Variants in RAD52 observed in about 807,000 individuals in gnomAD.
RAD52 encodes DNA repair protein RAD52 homolog.
RAD52 carries 47 observed loss-of-function variants against 55.5 expected under a neutral mutation model. That is an observed-to-expected ratio of 0.85 (90% CI 0.67 to 1.08). RAD52 has a LOEUF of 1.08. Among genes scored for constraint, RAD52 ranks in the 50% least tolerant of loss-of-function variants. The pLI, the probability that RAD52 is intolerant of heterozygous loss-of-function variation, is 0.00. For missense variants in RAD52, 468 were observed against 522.8 expected, an observed-to-expected ratio of 0.90 and a Z score of 1.02; for synonymous variants, 184 against 198.9, an observed-to-expected ratio of 0.92 and a Z score of 0.63.
At chr12:947,228 A>T (rs1052853221) in intron 1 of RAD52, among the ~76,000 whole-genome samples, 1 of 152,186 alleles carries the variant, frequency 6.6e-6, no homozygotes, top group Non-Finnish European at 1.5e-5. Context: ...CGGGAGGCTG[A>T]GGCAGGAGAA....
intron 7 of RAD52, among the ~76,000 whole-genome samples, chr12:924,508 C>T (rs1187093565): frequency 1.3e-5 from 2 of 152,118 alleles, no homozygotes; most frequent in African/African-American, 2.4e-5. Context: ...TGACACACAC[C>T]TTGTGGGGCT....
chr12:926,997 CAG>C, intron 6 of RAD52, 146 bp downstream of exon 6: 1 of 1,564,278 alleles, frequency 6.4e-7, no homozygotes, highest in Non-Finnish European at 8.7e-7. Flanking sequence ...AAACGGCAGA[CAG>C]GAACCAGGGC....
At chr12:935,848 C>T (rs1023046851) in intron 1 of RAD52, among the ~76,000 whole-genome samples, 7 of 147,384 alleles carry the variant, frequency 4.7e-5, no homozygotes, top group East Asian at 2.1e-4. Context: ...AGTGAAACTC[C>T]GTCTCAAAAA....
intron 1 of RAD52, among the ~76,000 whole-genome samples, chr12:977,543 A>G (rs1371704566): frequency 6.6e-6 from 1 of 152,128 alleles, no homozygotes; most frequent in Non-Finnish European, 1.5e-5. Flanking sequence ...CTCCCCTTTG[A>G]CCAGCTGCCT....
At chr12:957,665 C>A (rs530678399) in intron 1 of RAD52, among the ~76,000 whole-genome samples, 2 of 151,984 alleles carry the variant, frequency 1.3e-5, no homozygotes, top group East Asian at 3.9e-4. Flanking sequence ...TGGCACACAC[C>A]TGTGGTCCCA....
At chr12:990,952 A>AGTGTGTGTGTGTGTGTGTGAGTGT (rs138094397), upstream of RAD52, 1 of 150,032 alleles carries the variant, frequency 6.7e-6, no homozygotes, top group African/African-American at 2.5e-5. Context: ...TGTGTGTGTG[A>AGTGTGTGTGTGTGTGTGTGAGTGT]GTGTGTGTGT....
intron 6 of RAD52, among the ~76,000 whole-genome samples, chr12:925,960 G>A (rs1472464994): frequency 6.6e-6 from 1 of 152,086 alleles, no homozygotes; most frequent in South Asian, 2.1e-4. Context: ...TGGGATCTAC[G>A]GACTCCCCCA....
intron 1 of RAD52, among the ~76,000 whole-genome samples, chr12:973,227 A>G (rs987476279): frequency 6.0e-5 from 9 of 150,408 alleles, no homozygotes; most frequent in Admixed American, 4.0e-4. Flanking sequence ...CCGCCACCAC[A>G]CCCGGCTAAG....
At chr12:968,033 C>G (rs1958794391) in intron 1 of RAD52, among the ~76,000 whole-genome samples, 1 of 152,080 alleles carries the variant, frequency 6.6e-6, no homozygotes. Context: ...CTATTTTATG[C>G]CTTTCCCATT....
chr12:916,656 G>C lies in RAD52; in HGVS notation c.708C>G (p.Asp236Glu). The change falls in exon 8 of 12, where the codon GAC becomes GAG. Residue 236 changes from aspartate (D) to glutamate (E), a missense_variant. By Grantham distance (45) the Asp-to-Glu change is conservative. Coordinates refer to ENST00000358495, the MANE Select transcript of RAD52 (RefSeq NM_134424.4). ...SRPSHAVIPA[D>E]QDCSSRSLSS... ...CCGCATACCGGGAGCTGCAGTCCTGGTCCGCCGGTATCACAGCATGGCTGG... is the reference window on the plus strand; with the variant it reads ...CCGCATACCGGGAGCTGCAGTCCTGCTCCGCCGGTATCACAGCATGGCTGG... 6.2e-7 allele frequency: 1 copy of C among 1,613,808 alleles called. No individual in the cohort carries two copies. Among genetic ancestry groups the C allele is most frequent in the Non-Finnish European group, 8.5e-7 (1 of 1,179,788 alleles).
At chr12:944,817 T>TG (rs1395499214) in intron 1 of RAD52, among the ~76,000 whole-genome samples, 1 of 148,930 alleles carries the variant, frequency 6.7e-6, no homozygotes, top group Admixed American at 6.8e-5. Context: ...CAAGCTGCAG[T>TG]GCAATGGCAC....
At position 971,411 on chromosome 12, in the gene RAD52, G is replaced by A. The variant is rs139948261; in HGVS notation, c.-19+18398C>T. On this transcript the variant is annotated intron_variant, in intron 1 of 11. Coordinates refer to the RAD52 transcript ENST00000430095. ...ATAGGACTTAGAATCGTGAACTGGG[G>A]AGGCAGGTATTGCACTTAACGGAGG... Among the ~76,000 whole-genome samples, 545 of 152,150 alleles carry A rather than the reference G, an allele frequency of 3.6e-3. 1 individual carries two copies. The highest frequency in any genetic ancestry group is 0.012 in the African/African-American group (493 of 41,488).
intron 1 of RAD52, among the ~76,000 whole-genome samples, chr12:967,321 G>A (rs1035635484): frequency 6.0e-5 from 9 of 150,710 alleles, no homozygotes; most frequent in African/African-American, 2.0e-4. Flanking sequence ...GGAGGTTGTA[G>A]TGAGCTGAGA....
intron 1 of RAD52, among the ~76,000 whole-genome samples, chr12:944,707 T>C (rs943314835): frequency 1.3e-5 from 2 of 150,448 alleles, no homozygotes; most frequent in African/African-American, 4.9e-5. Flanking sequence ...ATTAAAAAGG[T>C]AAAGACTGGC....
intron 7 of RAD52, among the ~76,000 whole-genome samples, chr12:923,173 GAAA>G (rs899644093): frequency 6.7e-6 from 1 of 150,200 alleles, no homozygotes; most frequent in Non-Finnish European, 1.5e-5. Context: ...TTTTAAAAAA[GAAA>G]AAAAGATCAA....
At chr12:987,518 A>ATTTTCTCTC (rs1403691389) in intron 1 of RAD52, among the ~76,000 whole-genome samples, 3 of 141,130 alleles carry the variant, frequency 2.1e-5, no homozygotes, top group African/African-American at 7.9e-5. Context: ...TCTTTATCTT[A>ATTTTCTCTC]TTTTCTCTCA....
At chr12:969,145 G>C (rs1958807803) in intron 1 of RAD52, among the ~76,000 whole-genome samples, 1 of 152,018 alleles carries the variant, frequency 6.6e-6, no homozygotes. Flanking sequence ...TATACAGGAG[G>C]ATGTACGTAG....
At chr12:949,050 A>T (rs910941431) in intron 1 of RAD52, among the ~76,000 whole-genome samples, 8 of 151,818 alleles carry the variant, frequency 5.3e-5, no homozygotes, top group African/African-American at 1.9e-4. Flanking sequence ...TGAGCGTCAA[A>T]TTTTTATTTT....
chr12:924,019 A>G (rs1249944969), intron 7 of RAD52, among the ~76,000 whole-genome samples: 1 of 150,978 alleles, frequency 6.6e-6, no homozygotes, highest in Non-Finnish European at 1.5e-5. Flanking sequence ...AGATCACACT[A>G]CTGCACTCCA....
Sources: allele counts gnomAD v4.1 joint callset (sites outside exome capture counted in the v4.1 genomes callset), GRCh38; gene constraint gnomAD v4.1.1; transcripts MANE v1.5; gene names NCBI Gene and HGNC (gene_info 2026-07-23, HGNC 2026-07-21).